Variants in CLVS1 observed in about 807,000 individuals in gnomAD.
CLVS1 encodes clavesin-1.
Under a neutral mutation model 33.1 loss-of-function variants are expected in CLVS1, and 10 were observed. That is an observed-to-expected ratio of 0.30 (90% CI 0.19 to 0.51). CLVS1 has a LOEUF of 0.51. Ranked by LOEUF, CLVS1 falls within the 20% of genes least tolerant of loss-of-function variation. CLVS1 has a pLI of 0.97. For synonymous variants in CLVS1, 163 were observed against 166.1 expected, an observed-to-expected ratio of 0.98 and a Z score of 0.14; for missense variants, 343 against 433.4, an observed-to-expected ratio of 0.79 and a Z score of 1.85.
the CLVS1 span, among the ~76,000 whole-genome samples, chr8:61,029,856 A>T: frequency 2.0e-5 from 3 of 152,192 alleles, no homozygotes; most frequent in Non-Finnish European, 4.4e-5. Context: ...GGGTGGCTTT[A>T]GTTCCTGCTT....
At chr8:61,254,841 G>A (rs1809039741) in intron 2 of CLVS1, among the ~76,000 whole-genome samples, 1 of 152,176 alleles carries the variant, frequency 6.6e-6, no homozygotes, top group Non-Finnish European at 1.5e-5. Flanking sequence ...GGCTAGAAAA[G>A]GGAATTCCCC....
chr8:60,965,654 ACC>A, the CLVS1 span: 2 of 152,060 alleles, frequency 1.3e-5, no homozygotes, highest in Non-Finnish European at 2.9e-5. Context: ...AGACAGAGCC[ACC>A]TCTCTCTGCT....
chr8:61,358,128 C>T (rs1045872441), intron 2 of CLVS1, among the ~76,000 whole-genome samples: 1 of 152,218 alleles, frequency 6.6e-6, no homozygotes, highest in African/African-American at 2.4e-5. Flanking sequence ...AGTGCCACCA[C>T]ATTTTTCTTC....
the CLVS1 span, among the ~76,000 whole-genome samples, chr8:61,030,784 C>T: frequency 3.9e-5 from 6 of 152,124 alleles, no homozygotes; most frequent in African/African-American, 1.4e-4. Flanking sequence ...CCTAAAATTC[C>T]TTATATTCCT....
chr8:61,320,102 A>G (rs1770086346), intron 2 of CLVS1, among the ~76,000 whole-genome samples: 1 of 152,116 alleles, frequency 6.6e-6, no homozygotes, highest in South Asian at 2.1e-4. Flanking sequence ...TATGCCATTT[A>G]TCCTTCTAAT....
chr8:61,101,732 G>A (rs1189623645), intron 1 of CLVS1, among the ~76,000 whole-genome samples: 2 of 151,082 alleles, frequency 1.3e-5, no homozygotes, highest in African/African-American at 2.4e-5. Flanking sequence ...AGTTTTATAT[G>A]TTTTTAAGCT....
chr8:61,421,523 G>A (rs1326620233), intron 3 of CLVS1, among the ~76,000 whole-genome samples: 1 of 152,172 alleles, frequency 6.6e-6, no homozygotes, highest in African/African-American at 2.4e-5. Flanking sequence ...GCTGAACTCA[G>A]GTTGTTTCCA....
intron 2 of CLVS1, among the ~76,000 whole-genome samples, chr8:61,196,423 G>A (rs2129303884): frequency 6.6e-6 from 1 of 152,240 alleles, no homozygotes; most frequent in South Asian, 2.1e-4. Context: ...CTATAGAGCT[G>A]ATCTTTAGTC....
chr8:61,047,340 C>T, the CLVS1 span, among the ~76,000 whole-genome samples: 2 of 152,256 alleles, frequency 1.3e-5, no homozygotes, highest in Non-Finnish European at 2.9e-5. Context: ...GAAATAGGAA[C>T]AATTTTACAC....
At chr8:61,014,765 A>G in the CLVS1 span, among the ~76,000 whole-genome samples, 2 of 152,264 alleles carry the variant, frequency 1.3e-5, no homozygotes, top group African/African-American at 4.8e-5. Flanking sequence ...TTGATTGCAA[A>G]GGTCACTTTT....
At chr8:61,091,586 C>T (rs1406173271) in intron 1 of CLVS1, among the ~76,000 whole-genome samples, 1 of 152,060 alleles carries the variant, frequency 6.6e-6, no homozygotes, top group East Asian at 1.9e-4. Context: ...TTTTCTCAAA[C>T]AAAATAATAT....
At chr8:61,148,584 G>T (rs1325754613) in intron 2 of CLVS1, among the ~76,000 whole-genome samples, 1 of 152,196 alleles carries the variant, frequency 6.6e-6, no homozygotes, top group Non-Finnish European at 1.5e-5. Flanking sequence ...GAGCTAACAA[G>T]ATACAGGTTC....
chr8:61,097,101 A>G (rs1231864584), intron 1 of CLVS1, among the ~76,000 whole-genome samples: 4 of 151,936 alleles, frequency 2.6e-5, no homozygotes, highest in Non-Finnish European at 5.9e-5. Context: ...TGGCTCATGC[A>G]TGTAATCCCA....
chr8:61,315,738 T>A (rs372432101), intron 2 of CLVS1, among the ~76,000 whole-genome samples: 6 of 152,216 alleles, frequency 3.9e-5, no homozygotes, highest in South Asian at 2.1e-4. Flanking sequence ...TATTCTTTTT[T>A]TATATATATA....
chr8:61,328,249 T>C (rs1811457740), intron 2 of CLVS1, among the ~76,000 whole-genome samples: 1 of 152,162 alleles, frequency 6.6e-6, no homozygotes, highest in Admixed American at 6.5e-5. Context: ...AATAGCTGGA[T>C]AGGGACACGT....
chr8:61,373,895 G>T (rs1010698972), intron 2 of CLVS1, among the ~76,000 whole-genome samples: 1 of 152,192 alleles, frequency 6.6e-6, no homozygotes, highest in Non-Finnish European at 1.5e-5. Context: ...ATGAAAACCT[G>T]CTAGTTGGCT....
chr8:61,332,223 G>A (rs964431341), intron 2 of CLVS1, among the ~76,000 whole-genome samples: 4 of 152,162 alleles, frequency 2.6e-5, no homozygotes, highest in Non-Finnish European at 4.4e-5. Flanking sequence ...GCTGGATTTG[G>A]CTCCTTAGCC....
chr8:61,314,199 C>G (rs1449683308), intron 2 of CLVS1, among the ~76,000 whole-genome samples: 3 of 152,166 alleles, frequency 2.0e-5, no homozygotes, highest in Admixed American at 2.0e-4. Flanking sequence ...TCCCCTTTCC[C>G]TGACAGGGTC....
intron 2 of CLVS1, among the ~76,000 whole-genome samples, chr8:61,178,545 T>G (rs1303380734): frequency 2.0e-5 from 3 of 151,958 alleles, no homozygotes; most frequent in Non-Finnish European, 4.4e-5. Flanking sequence ...CACATAATCA[T>G]CAGATTCTCC....
Sources: allele counts gnomAD v4.1 joint callset (sites outside exome capture counted in the v4.1 genomes callset), GRCh38; gene constraint gnomAD v4.1.1; transcripts MANE v1.5; gene names NCBI Gene and HGNC (gene_info 2026-07-23, HGNC 2026-07-21).